ZGRF1: variants seen among roughly 807,000 people sequenced by gnomAD.
ZGRF1 encodes zinc finger GRF-type containing 1.
ZGRF1 carries 196 observed loss-of-function variants against 203.5 expected under a neutral mutation model. The observed-to-expected ratio is 0.96, with a 90% CI of 0.86 to 1.08. The LOEUF (loss-of-function observed/expected upper bound fraction) is 1.08. Among genes scored for constraint, ZGRF1 ranks in the 50% least tolerant of loss-of-function variants. The pLI is 0.00. For synonymous variants in ZGRF1, 809 were observed against 841.3 expected (o/e 0.96, Z 0.66); for missense variants, 2,326 against 2,416.3 (o/e 0.96, Z 0.78).
At chr4:112,634,382 T>G (rs986949882) in intron 1 of ZGRF1, among the ~76,000 whole-genome samples, 1 of 152,156 alleles carries the variant, frequency 6.6e-6, no homozygotes. Context: ...CAAACAAGAA[T>G]TGCAGGCCTG....
intron 1 of ZGRF1, among the ~76,000 whole-genome samples, chr4:112,636,068 A>C (rs17044862): frequency 0.036 from 5,440 of 152,292 alleles, 323 homozygotes; most frequent in African/African-American, 0.12. Context: ...TAATCAGAAA[A>C]AATTATTTTA....
In ZGRF1 at chr4:112,539,439, A is replaced by T; in HGVS notation, c.*108T>A. 3 of 603,600 alleles carry T rather than the reference A, an allele frequency of 5.0e-6. No individual in the cohort carries two copies. The highest frequency in any genetic ancestry group is 7.7e-6 in the Non-Finnish European group (3 of 389,910). 37.4% of individuals were successfully genotyped at this position (603,600 alleles called of 1,614,324 possible). ...TTACATGTGTTTACTATGTTATTTA[A>T]ATATCATATTTTTAATAAGAGGGTT... On this transcript the variant is annotated 3_prime_UTR_variant, in exon 28 of 28. Coordinates refer to ENST00000505019, the MANE Select transcript of ZGRF1 (RefSeq NM_018392.5).
chr4:112,587,911 G>A lies in ZGRF1; in HGVS notation c.3146C>T (p.Ser1049Phe). The A allele has an allele frequency of 2.0e-6, 3 of 1,527,892 alleles. No individual in the cohort carries two copies. The East Asian group carries it at 7.4e-5, about 38-fold the overall frequency. The allele number at this position is 1,527,892 out of a possible 1,614,324, so 94.6% of individuals were successfully genotyped here. The change falls in exon 12 of 28, where the codon TCT becomes TTT. Residue 1049 changes from serine (S) to phenylalanine (F), a missense_variant. Ser to Phe is a radical substitution (Grantham distance 155). Coordinates refer to ENST00000505019, the MANE Select transcript of ZGRF1 (RefSeq NM_018392.5). Reference sequence around the variant, plus strand: ...CCTTTGAAGGTTCTCATTCTCCAGAGAACGGGATTTTTTCATCCCTGAAAG... The same window carrying A: ...CCTTTGAAGGTTCTCATTCTCCAGAAAACGGGATTTTTTCATCCCTGAAAG... ...LNLEGMKKSR[S>F]LENENLQRLS...
chr4:112,586,445 C>T lies in ZGRF1; in HGVS notation c.3916G>A (p.Glu1306Lys), dbSNP rs993138282. ...YKQTFTSCLIEHLNILLFGLA... is the reference protein window; with the variant it reads ...YKQTFTSCLIKHLNILLFGLA... Reference sequence around the variant, plus strand: ...TACAATAAAAACACAACAGCCATACCTATGAGGCAAGATGTGAAAGTCTGC... The same window carrying T: ...TACAATAAAAACACAACAGCCATACTTATGAGGCAAGATGTGAAAGTCTGC... The change falls in exon 13 of 28, where the codon GAA becomes AAA. Residue 1306 changes from glutamate (E) to lysine (K), a missense_variant and splice_region_variant. By Grantham distance (56) the Glu-to-Lys change is moderately conservative. Transcript: ENST00000505019. The T allele has an allele frequency of 2.5e-6, 4 of 1,605,340 alleles. No homozygotes were observed. Among genetic ancestry groups the T allele is most frequent in the Non-Finnish European group, 3.4e-6 (4 of 1,175,270 alleles).
chr4:112,628,970 T>A (rs978594136), intron 3 of ZGRF1: 2 of 327,776 alleles, frequency 6.1e-6, no homozygotes, highest in African/African-American at 4.3e-5. Flanking sequence ...TATTCATCTA[T>A]TTAAATTAGA....
Position 112,541,129 on chromosome 4 carries a change from G to A in ZGRF1, c.5738C>T (p.Pro1913Leu). 5 of 1,605,234 alleles carry A rather than the reference G, an allele frequency of 3.1e-6. No individual in the cohort carries two copies. Among genetic ancestry groups the A allele is most frequent in the Non-Finnish European group, 4.3e-6 (5 of 1,175,426 alleles). Residue 1913 changes from proline to leucine, a missense_variant, in exon 25 of 28, where the codon CCA (proline) becomes CTA (leucine). Transcript: ENST00000505019. ...TTTAACATTATAAAAACACAGGGTT[G>A]GTAGCCATTCCAATAAAGGGCTCCG... is the stretch of plus-strand genomic sequence containing the variant. ...IERSPLLEWL[P>L]TLCFYNVKGL... is the part of the protein sequence containing the mutation.
At chr4:112,541,342 A>T in intron 24 of ZGRF1, 74 bp from the exon 25 acceptor site, 1 of 759,876 alleles carries the variant, frequency 1.3e-6, no homozygotes, top group Non-Finnish European at 2.0e-6. Context: ...ATATTTTTAA[A>T]ATTAAAAATA....
chr4:112,617,381 T>C lies in ZGRF1; in HGVS notation c.2602+59A>G, dbSNP rs900535808. On this transcript the variant is annotated intron_variant, in intron 6 of 27. Transcript: ENST00000505019. ...GTATCACCCAGAGCTAATATCTTCT[T>C]TCTTTATAGCTCAAAGACCTATAAA... 3.9e-6 allele frequency: 5 copies of C among 1,270,060 alleles called. No homozygotes were observed. In the Admixed American group the frequency reaches 1.0e-4, roughly 25 times the overall value. The allele number at this position is 1,270,060 out of a possible 1,614,324, so 78.7% of individuals were successfully genotyped here.
intron 24 of ZGRF1, among the ~76,000 whole-genome samples, chr4:112,545,222 A>G (rs1250394328): frequency 1.3e-5 from 2 of 152,048 alleles, no homozygotes; most frequent in Non-Finnish European, 2.9e-5. Flanking sequence ...TGGAAAAAAA[A>G]ATTGTAAATC....
Position 112,569,033 on chromosome 4 carries a change from A to C in ZGRF1, c.4439-5759T>G, listed in dbSNP as rs183095527. Among the ~76,000 whole-genome samples, 505 of 152,284 alleles carry C rather than the reference A, an allele frequency of 3.3e-3. 3 individuals are homozygous for C. The highest frequency in any genetic ancestry group is 7.9e-3 in the South Asian group (38 of 4,830). On this transcript the variant is annotated intron_variant, in intron 16 of 27. Transcript: ENST00000505019. ...CCATCTCAGAAAAAAAAATAAAATC[A>C]CAGTGCCATCAGACTTTCAAACAGT...
At position 112,603,537 on chromosome 4, in the gene ZGRF1, A is replaced by G. The variant is rs1750292105; in HGVS notation, c.2963T>C (p.Ile988Thr). ...AAATATTTTTACCTGCAAGAAGTCA[A>G]TCTGCATACACGTGCTAGGTAACTC... The part of the protein sequence containing the change: ...TPELPSTCMQ[I>T]DFLQVTSPEE... The change falls in exon 10 of 28, where the codon ATT becomes ACT. Residue 988 changes from isoleucine (I) to threonine (T), a missense_variant. Ile to Thr is a moderately conservative substitution (Grantham distance 89, BLOSUM62 -1). Coordinates refer to ENST00000505019, the MANE Select transcript of ZGRF1 (RefSeq NM_018392.5). 1 of 1,602,328 alleles carries G rather than the reference A, an allele frequency of 6.2e-7. No homozygotes were observed. The highest frequency in any genetic ancestry group is 8.5e-7 in the Non-Finnish European group (1 of 1,174,032).
In ZGRF1 at chr4:112,618,251, GT is replaced by G; in HGVS notation, c.1790del (p.Asp597AlafsTer5). On this transcript the variant is annotated frameshift_variant, in exon 6 of 28. Transcript: ENST00000505019. LOFTEE classifies it high-confidence loss of function. ...TAACAGGAAATGTCACTGTAGGTTT[GT>G]CACTAACAGATGTTAAGAATGGCAA... ...EHLPFLTSVS[D>X]KPTVTFPVKE... 1 of 1,613,842 alleles carries G rather than the reference GT, an allele frequency of 6.2e-7. No individual in the cohort carries two copies. Among genetic ancestry groups the G allele is most frequent in the East Asian group, 2.2e-5 (1 of 44,846 alleles).
intron 5 of ZGRF1, 101 bp from the exon 6 acceptor site, chr4:112,619,791 G>A: frequency 9.4e-7 from 1 of 1,065,614 alleles, no homozygotes; most frequent in Non-Finnish European, 1.3e-6. Flanking sequence ...TTTCTGGTTT[G>A]CCTAAGGTAA....
intron 6 of ZGRF1, among the ~76,000 whole-genome samples, chr4:112,613,507 C>G (rs1302937762): frequency 6.6e-6 from 1 of 151,770 alleles, no homozygotes; most frequent in Non-Finnish European, 1.5e-5. Flanking sequence ...AATAACTAAA[C>G]CAGATAAATT....
intron 16 of ZGRF1, among the ~76,000 whole-genome samples, chr4:112,572,880 A>T (rs56155400): frequency 0.39 from 59,699 of 152,012 alleles, 11,969 homozygotes; most frequent in South Asian, 0.49. Context: ...AAGAATGGCC[A>T]TAATCAAAAA....
At chr4:112,599,817 T>C (rs1206305566) in intron 10 of ZGRF1, among the ~76,000 whole-genome samples, 4 of 152,128 alleles carry the variant, frequency 2.6e-5, no homozygotes, top group African/African-American at 2.4e-5. Flanking sequence ...ACCCTTAATA[T>C]ATGGACCCTT....
intron 1 of ZGRF1, among the ~76,000 whole-genome samples, chr4:112,634,488 T>A (rs1206281552): frequency 6.6e-6 from 1 of 151,500 alleles, no homozygotes; most frequent in Non-Finnish European, 1.5e-5. Context: ...CTGTCTCTAC[T>A]AAAAATACAA....
chr4:112,581,425 TAATAAAAATAAA>T (rs896690516), intron 16 of ZGRF1, among the ~76,000 whole-genome samples: 1 of 150,444 alleles, frequency 6.6e-6, no homozygotes, highest in African/African-American at 2.4e-5. Flanking sequence ...ACTTAAAGTA[TAATAAAAATAAA>T]AATAAAAATA....
intron 15 of ZGRF1, among the ~76,000 whole-genome samples, chr4:112,583,343 G>A (rs1197144303): frequency 6.6e-6 from 1 of 152,126 alleles, no homozygotes; most frequent in Non-Finnish European, 1.5e-5. Flanking sequence ...TATTTATTAT[G>A]CCACACTGCT....
Sources: allele counts gnomAD v4.1 joint callset (sites outside exome capture counted in the v4.1 genomes callset), GRCh38; gene constraint gnomAD v4.1.1; transcripts MANE v1.5; gene names NCBI Gene and HGNC (gene_info 2026-07-23, HGNC 2026-07-21).